The following RB1CC1 variants were observed in gnomAD, a reference collection of about 807,000 sequenced individuals.
The protein encoded by RB1CC1 is RB1-inducible coiled-coil protein 1.
A neutral mutation model predicts 177.5 loss-of-function variants in RB1CC1; 46 were observed. The observed-to-expected ratio is 0.26, with a 90% CI of 0.20 to 0.33. The LOEUF is 0.33. Ranked by LOEUF, RB1CC1 falls within the 10% of genes least tolerant of loss-of-function variation. The pLI, the probability that RB1CC1 is intolerant of heterozygous loss-of-function variation, is 1.00. For synonymous variants in RB1CC1, 666 were observed against 613.6 expected, an observed-to-expected ratio of 1.09 and a Z score of -1.26; for missense variants, 1,703 against 1,816.3, an observed-to-expected ratio of 0.94 and a Z score of 1.13.
At chr8:52,687,053 C>G (rs781069697) in intron 1 of RB1CC1, 86 bp from the exon 2 acceptor site, 16 of 429,774 alleles carry the variant, frequency 3.7e-5, no homozygotes, top group Non-Finnish European at 6.5e-5. Context: ...CCTTTTAAAA[C>G]TACCGTCTAA....
At chr8:52,652,223 T>C (rs1029413216) in intron 15 of RB1CC1, among the ~76,000 whole-genome samples, 2 of 152,028 alleles carry the variant, frequency 1.3e-5, no homozygotes, top group African/African-American at 4.8e-5. Flanking sequence ...ATCCCAGCAC[T>C]TGGGAGGCCG....
intron 20 of RB1CC1, 41 bp downstream of exon 20, chr8:52,634,880 T>C (rs764312849): frequency 1.4e-6 from 2 of 1,474,148 alleles, no homozygotes; most frequent in East Asian, 4.6e-5. Context: ...GCAAATCATT[T>C]AAAAATGTTA....
intron 19 of RB1CC1, among the ~76,000 whole-genome samples, 178 bp downstream of exon 19, chr8:52,635,837 G>T (rs1225805810): frequency 1.3e-5 from 2 of 152,008 alleles, no homozygotes; most frequent in Non-Finnish European, 2.9e-5. Flanking sequence ...CAACTGTTTA[G>T]CTAGTAAGAT....
chr8:52,628,486 T>C (rs1418924223), intron 21 of RB1CC1, among the ~76,000 whole-genome samples: 1 of 152,154 alleles, frequency 6.6e-6, no homozygotes, highest in Non-Finnish European at 1.5e-5. Flanking sequence ...CATAGCAAGA[T>C]TTTTTTCTCC....
rs1278048459 is a variant in RB1CC1, at chr8:52,657,889, G to C, written c.1940C>G (p.Ser647Cys). The change falls in exon 15 of 24, where the codon TCC becomes TGC. Residue 647 changes from serine to cysteine, a missense_variant. This residue lies in a region of RB1CC1 where 1,169 missense variants were observed against 1,184.7 expected (regional missense o/e 0.99). Coordinates refer to ENST00000025008, the MANE Select transcript of RB1CC1 (RefSeq NM_014781.5). ...CCTTGGTGAAGAAGCAGACTGTGGGGATGTCTGACTCACAGATGCCTGGAA... is the reference window on the plus strand; with the variant it reads ...CCTTGGTGAAGAAGCAGACTGTGGGCATGTCTGACTCACAGATGCCTGGAA... ...SEQKASVSQT[S>C]PQSASSPRME... 8 of 1,613,702 alleles carry C rather than the reference G, an allele frequency of 5.0e-6. No homozygotes were observed. In the South Asian group the frequency reaches 7.7e-5, roughly 16 times the overall value.
intron 15 of RB1CC1, among the ~76,000 whole-genome samples, chr8:52,649,103 A>G (rs986631805): frequency 6.6e-6 from 1 of 152,244 alleles, no homozygotes; most frequent in Admixed American, 6.5e-5. Context: ...AAGTGAAACC[A>G]TAAGAGCGAA....
At chr8:52,685,362 CAG>C in intron 3 of RB1CC1, 35 bp downstream of exon 3, 1 of 1,432,656 alleles carries the variant, frequency 7.0e-7, no homozygotes, top group East Asian at 2.3e-5. Flanking sequence ...TGCATGCAGA[CAG>C]AATGCGAAAA....
chr8:52,643,439 G>A (rs1849742993), intron 16 of RB1CC1, among the ~76,000 whole-genome samples: 1 of 152,142 alleles, frequency 6.6e-6, no homozygotes, highest in African/African-American at 2.4e-5. Context: ...GGTGGCTCAT[G>A]CCTGTAATCT....
intron 15 of RB1CC1, among the ~76,000 whole-genome samples, chr8:52,649,080 C>A (rs1314993086): frequency 6.6e-6 from 1 of 152,234 alleles, no homozygotes; most frequent in East Asian, 1.9e-4. Context: ...TTAATACTTT[C>A]GAACCATGGG....
At chr8:52,678,878 T>C (rs950680728) in intron 5 of RB1CC1, among the ~76,000 whole-genome samples, 2 of 152,234 alleles carry the variant, frequency 1.3e-5, no homozygotes, top group African/African-American at 2.4e-5. Context: ...CTTAATTCCA[T>C]ATGTGTATAA....
intron 8 of RB1CC1, among the ~76,000 whole-genome samples, chr8:52,666,772 C>A (rs1183645947): frequency 1.0e-4 from 15 of 150,516 alleles, no homozygotes; most frequent in Admixed American, 9.9e-4. Context: ...CAGTTAGCCA[C>A]TAAAAAAAGA....
At chr8:52,640,197 G>A (rs1405992629) in intron 18 of RB1CC1, among the ~76,000 whole-genome samples, 1 of 152,122 alleles carries the variant, frequency 6.6e-6, no homozygotes, top group Admixed American at 6.5e-5. Context: ...AGAATCTTAA[G>A]TTTATCTCAT....
At chr8:52,651,206 G>T (rs1164768214) in intron 15 of RB1CC1, among the ~76,000 whole-genome samples, 1 of 152,090 alleles carries the variant, frequency 6.6e-6, no homozygotes, top group Non-Finnish European at 1.5e-5. Context: ...CTCAATATTG[G>T]CTATTAACAC....
At chr8:52,653,370 A>G (rs1322501482) in intron 15 of RB1CC1, among the ~76,000 whole-genome samples, 1 of 152,208 alleles carries the variant, frequency 6.6e-6, no homozygotes, top group East Asian at 1.9e-4. Context: ...GCTCTATCAC[A>G]AGCAACAGAG....
At chr8:52,682,883 AAT>A (rs1853887586) in intron 5 of RB1CC1, among the ~76,000 whole-genome samples, 1 of 152,144 alleles carries the variant, frequency 6.6e-6, no homozygotes, top group Non-Finnish European at 1.5e-5. Flanking sequence ...TATTTGTACA[AAT>A]GTATATACTG....
intron 5 of RB1CC1, among the ~76,000 whole-genome samples, chr8:52,681,124 T>C (rs111962909): frequency 0.023 from 3,552 of 151,936 alleles, 160 homozygotes; most frequent in African/African-American, 0.081. Flanking sequence ...CCCGAGCAGC[T>C]GGGACTACAG....
At chr8:52,632,489 C>T (rs1017677087) in intron 20 of RB1CC1, among the ~76,000 whole-genome samples, 1 of 152,120 alleles carries the variant, frequency 6.6e-6, no homozygotes, top group Admixed American at 6.5e-5. Flanking sequence ...ATAAGATTGA[C>T]CATCATTTTT....
chr8:52,676,718 G>A, intron 5 of RB1CC1, 147 bp from the exon 6 acceptor site: 1 of 755,350 alleles, frequency 1.3e-6, no homozygotes, highest in Non-Finnish European at 2.1e-6. Flanking sequence ...GTTTATCTCT[G>A]TTCTCTTCTG....
At chr8:52,634,119 T>C (rs1257911029) in intron 20 of RB1CC1, among the ~76,000 whole-genome samples, 1 of 146,334 alleles carries the variant, frequency 6.8e-6, no homozygotes, top group Non-Finnish European at 1.5e-5. Context: ...CTTGTCTCGA[T>C]TTTTTTTTTT....
Sources: gnomAD v4.1 joint callset for allele counts (sites outside exome capture counted in the v4.1 genomes callset) on GRCh38, gnomAD v4.1.1 for gene constraint, gnomAD v4.1.1 regional missense constraint, MANE v1.5 for transcripts, NCBI Gene and HGNC (gene_info 2026-07-23, HGNC 2026-07-21) for gene names.